SHLD2: variants seen among roughly 807,000 people sequenced by gnomAD.
SHLD2 encodes shieldin complex subunit 2.
SHLD2 carries 30 observed loss-of-function variants against 73.2 expected under a neutral mutation model. The ratio of observed to expected loss-of-function variants is 0.41; its 90% CI spans 0.31 to 0.56. The LOEUF (loss-of-function observed/expected upper bound fraction) is 0.56. Among genes scored for constraint, SHLD2 ranks in the 20% least tolerant of loss-of-function variants. The pLI is 0.28. For missense variants in SHLD2, 745 were observed against 1,055.9 expected (o/e 0.71, Z 4.08); for synonymous variants, 285 against 370.1 (o/e 0.77, Z 2.64).
intron 4 of SHLD2, among the ~76,000 whole-genome samples, chr10:87,166,138 T>C (rs1288571375): frequency 6.6e-6 from 1 of 152,078 alleles, no homozygotes; most frequent in Non-Finnish European, 1.5e-5. Flanking sequence ...TTACTACTTT[T>C]CTTCAACACC....
intron 2 of SHLD2, among the ~76,000 whole-genome samples, chr10:87,147,382 G>C (rs1378948131): frequency 6.6e-6 from 1 of 151,670 alleles, no homozygotes; most frequent in African/African-American, 2.4e-5. Context: ...AAATTGGAGA[G>C]GTAGAACAAT....
chr10:87,127,285 G>A (rs547122883), intron 2 of SHLD2, among the ~76,000 whole-genome samples: 3 of 152,254 alleles, frequency 2.0e-5, no homozygotes, highest in South Asian at 4.1e-4. Flanking sequence ...GCTTGTCCTA[G>A]CATTACTAAG....
At chr10:87,102,987 G>A (rs893454567) in intron 2 of SHLD2, among the ~76,000 whole-genome samples, 13 of 151,964 alleles carry the variant, frequency 8.6e-5, no homozygotes, top group African/African-American at 2.9e-4. Flanking sequence ...TGAGGTGGGC[G>A]GATCACGAGG....
chr10:87,121,961 C>T lies in SHLD2; in HGVS notation c.-6+24972C>T, dbSNP rs187758230. ...TGTATTTTTTGTAGAGATGGGGTTTCGCCATGTTGGCCAGGCTGGTCTTGA... is the reference window on the plus strand; with the variant it reads ...TGTATTTTTTGTAGAGATGGGGTTTTGCCATGTTGGCCAGGCTGGTCTTGA... On this transcript the variant is annotated intron_variant, in intron 2 of 9. Coordinates refer to ENST00000298786, the MANE Select transcript of SHLD2 (RefSeq NM_001330112.2). Among the ~76,000 whole-genome samples the T allele has an allele frequency of 8.0e-3, 1,221 of 151,784 alleles. 8 individuals are homozygous for T. The highest frequency in any genetic ancestry group is 0.028 in the African/African-American group (1,152 of 41,430).
rs186449975 is a variant in SHLD2, at chr10:87,104,462, G to A, written c.-6+7473G>A. 8.0e-3 allele frequency among the ~76,000 whole-genome samples: 1,202 copies of A among 151,096 alleles called. 6 individuals are homozygous for A. The highest frequency in any genetic ancestry group is 0.012 in the Non-Finnish European group (797 of 67,814). On this transcript the variant is annotated intron_variant, in intron 2 of 9. Transcript: ENST00000298786. Reference sequence around the variant, plus strand: ...CTTGGGAGGCTGAGGCAGGAGAATCGCTTGAACCCGGGAGTGAGCCGAGAT... The same window carrying A: ...CTTGGGAGGCTGAGGCAGGAGAATCACTTGAACCCGGGAGTGAGCCGAGAT...
chr10:87,133,590 T>C (rs1364257578), intron 2 of SHLD2, among the ~76,000 whole-genome samples: 1 of 152,260 alleles, frequency 6.6e-6, no homozygotes, highest in African/African-American at 2.4e-5. Flanking sequence ...AATTGTCTTA[T>C]TCTATTGTGA....
intron 2 of SHLD2, among the ~76,000 whole-genome samples, chr10:87,098,513 CAAAAA>C (rs375253699): frequency 1.7e-5 from 1 of 58,994 alleles, no homozygotes; most frequent in South Asian, 5.8e-4. Flanking sequence ...AACTCCATCT[CAAAAA>C]AAAAAAAAAA....
intron 2 of SHLD2, among the ~76,000 whole-genome samples, chr10:87,125,507 G>A (rs1422573861): frequency 2.0e-5 from 3 of 152,198 alleles, no homozygotes; most frequent in African/African-American, 4.8e-5. Flanking sequence ...AGGCCAAGGC[G>A]GCAGATCACC....
chr10:87,179,026 C>A (rs1848134037), intron 7 of SHLD2, among the ~76,000 whole-genome samples: 1 of 152,020 alleles, frequency 6.6e-6, no homozygotes, highest in Non-Finnish European at 1.5e-5. Flanking sequence ...TGAAGAAGAA[C>A]AAATTTGAAG....
intron 2 of SHLD2, among the ~76,000 whole-genome samples, chr10:87,117,052 CTATGGAGTGGGTT>C (rs1843300710): frequency 6.6e-6 from 1 of 152,184 alleles, no homozygotes; most frequent in South Asian, 2.1e-4. Flanking sequence ...CAGGATCCAG[CTATGGAGTGGGTT>C]TATGAAGTAG....
chr10:87,141,898 G>A (rs1422468383), intron 2 of SHLD2, among the ~76,000 whole-genome samples: 1 of 152,018 alleles, frequency 6.6e-6, no homozygotes, highest in Non-Finnish European at 1.5e-5. Context: ...GGGTGTGGTG[G>A]TGCATGCCTG....
chr10:87,096,408 A>G (rs1316842328), intron 1 of SHLD2, among the ~76,000 whole-genome samples: 2 of 151,930 alleles, frequency 1.3e-5, no homozygotes. Flanking sequence ...TACATACTTG[A>G]TAGGAAATGC....
intron 2 of SHLD2, among the ~76,000 whole-genome samples, chr10:87,140,807 A>C (rs1845138237): frequency 6.6e-6 from 1 of 152,108 alleles, no homozygotes; most frequent in Non-Finnish European, 1.5e-5. Context: ...ACAAAGATTA[A>C]AAAATAGAAA....
chr10:87,160,981 G>A (rs1846768415), intron 4 of SHLD2, among the ~76,000 whole-genome samples: 2 of 144,408 alleles, frequency 1.4e-5, no homozygotes, highest in Admixed American at 6.9e-5. Context: ...AGTGAGATTC[G>A]GTCTCCAAAA....
rs1846041375 is a variant in SHLD2, at chr10:87,151,923, G to A, written c.569G>A (p.Gly190Glu). 5 of 1,610,868 alleles carry A rather than the reference G, an allele frequency of 3.1e-6. No homozygotes were observed. The highest frequency in any genetic ancestry group is 3.4e-6 in the Non-Finnish European group (4 of 1,179,166). ...TGTAGTACTGAAAAAATTAATATAG[G>A]GCCTGAAGTGGTACAAAGAGAGTGT... The part of the protein sequence containing the change: ...LVCSTEKINI[G>E]PEVVQRECVP... The change falls in exon 3 of 10, where the codon GGG becomes GAG. Residue 190 changes from glycine to glutamate, a missense_variant. Coordinates refer to ENST00000298786, the MANE Select transcript of SHLD2 (RefSeq NM_001330112.2).
rs1846109501 is a variant in SHLD2 at position 87,152,789 on chromosome 10, C to G, written c.1435C>G (p.Gln479Glu). 4 of 1,611,512 alleles carry G rather than the reference C, an allele frequency of 2.5e-6. No individual in the cohort carries two copies. The South Asian group carries it at 4.4e-5, about 18-fold the overall frequency. ...VPLATVTVID[Q>E]SETKKKVFLW... ...TTTAGCAACAGTTACAGTAATTGAT[C>G]AATCAGAAACTAAGAAGAAGGTTTT... Residue 479 changes from glutamine (Q) to glutamate (E), a missense_variant, in exon 3 of 10, where the codon CAA becomes GAA. This residue lies in a region of SHLD2 where 418 missense variants were observed against 567.8 expected (regional missense o/e 0.74). Coordinates refer to ENST00000298786, the MANE Select transcript of SHLD2 (RefSeq NM_001330112.2).
chr10:87,105,396 T>C (rs1383275716), intron 2 of SHLD2, among the ~76,000 whole-genome samples: 1 of 152,188 alleles, frequency 6.6e-6, no homozygotes, highest in African/African-American at 2.4e-5. Flanking sequence ...TATGTTGCGC[T>C]TGCTTCTTAA....
chr10:87,166,402 G>A (rs11202362), intron 4 of SHLD2, among the ~76,000 whole-genome samples: 25,071 of 151,556 alleles, frequency 0.17, 2,216 homozygotes, highest in African/African-American at 0.21. Flanking sequence ...ATATTATTTT[G>A]TACTAATAGT....
intron 2 of SHLD2, among the ~76,000 whole-genome samples, chr10:87,135,011 A>G (rs1364275318): frequency 1.3e-5 from 2 of 151,948 alleles, no homozygotes; most frequent in Admixed American, 6.6e-5. Context: ...GAGCTCCTAC[A>G]GTTTTTTTTT....
Sources: gnomAD v4.1 joint callset for allele counts (sites outside exome capture counted in the v4.1 genomes callset) on GRCh38, gnomAD v4.1.1 for gene constraint, gnomAD v4.1.1 regional missense constraint, MANE v1.5 for transcripts, NCBI Gene and HGNC (gene_info 2026-07-23, HGNC 2026-07-21) for gene names.